The following INTS12 variants were observed in gnomAD, a reference collection of about 807,000 sequenced individuals.
The protein encoded by INTS12 is PHD finger protein 22.
A neutral mutation model predicts 41.6 loss-of-function variants in INTS12; 13 were observed. The observed-to-expected ratio is 0.31, with a 90% CI of 0.20 to 0.50. The LOEUF (loss-of-function observed/expected upper bound fraction) is 0.50. INTS12 is among the 20% of genes least tolerant of loss of function. The pLI, the probability that INTS12 is intolerant of heterozygous loss-of-function variation, is 0.98. For synonymous variants in INTS12, 199 were observed against 191.4 expected (o/e 1.04, Z -0.33); for missense variants, 432 against 541.6 (o/e 0.80, Z 2.01).
At chr4:105,683,367 C>T in intron 7 of INTS12, 50 bp from the exon 8 acceptor site, 1 of 1,287,090 alleles carries the variant, frequency 7.8e-7, no homozygotes, top group African/African-American at 1.5e-5. Flanking sequence ...TAATCAGTAC[C>T]TGTATAAACA....
chr4:105,707,584 A>AAAAAGC (rs1393389133), intron 1 of INTS12, among the ~76,000 whole-genome samples: 3 of 152,206 alleles, frequency 2.0e-5, no homozygotes, highest in Admixed American at 1.3e-4. Context: ...CCAAACATCA[A>AAAAAGC]AAAAGCAAAA....
intron 1 of INTS12, chr4:105,705,396 T>C (rs1312674046): frequency 2.0e-5 from 3 of 152,418 alleles, no homozygotes; most frequent in Non-Finnish European, 2.9e-5. Context: ...TTATGGTGAG[T>C]TGTCCAATTA....
In INTS12 at chr4:105,683,316, G is replaced by A; in HGVS notation, c.806C>T (p.Thr269Ile). The change falls in exon 8 of 8, where the codon ACA becomes ATA. Residue 269 changes from threonine (T) to isoleucine (I), a missense_variant and splice_region_variant. Physicochemically the swap from Thr to Ile is moderately conservative, Grantham distance 89 (BLOSUM62 -1). Coordinates refer to ENST00000340139, the MANE Select transcript of INTS12 (RefSeq NM_020395.4). Reference protein sequence around the residue: ...FLAFKRTEVKTSTVISGNSSS... With the variant: ...FLAFKRTEVKISTVISGNSSS... ...AGAATTTCCTGAAATAACTGTGGATGTCTAAAAAAATAAAGTAAATAATTA... is the reference window on the plus strand; with the variant it reads ...AGAATTTCCTGAAATAACTGTGGATATCTAAAAAAATAAAGTAAATAATTA... 1 of 1,597,544 alleles carries A rather than the reference G, an allele frequency of 6.3e-7. No individual in the cohort carries two copies.
chr4:105,694,045 T>C (rs1409472618), intron 4 of INTS12, among the ~76,000 whole-genome samples: 2 of 152,192 alleles, frequency 1.3e-5, no homozygotes, highest in Non-Finnish European at 2.9e-5. Flanking sequence ...TAGGTATACA[T>C]CCTATAGAAA....
chr4:105,704,948 C>T (rs1163156506), intron 1 of INTS12, among the ~76,000 whole-genome samples: 1 of 152,188 alleles, frequency 6.6e-6, no homozygotes, highest in African/African-American at 2.4e-5. Context: ...TAATCAGTCT[C>T]CCACAATCAC....
chr4:105,698,467 A>C (rs1434231183), intron 3 of INTS12, among the ~76,000 whole-genome samples: 1 of 152,230 alleles, frequency 6.6e-6, no homozygotes, highest in Non-Finnish European at 1.5e-5. Context: ...TCTAGCTAGA[A>C]ACCTAAGGGC....
intron 2 of INTS12, 26 bp from the exon 3 acceptor site, chr4:105,700,040 C>G (rs372183863): frequency 2.8e-6 from 4 of 1,427,188 alleles, no homozygotes; most frequent in Admixed American, 4.4e-5. Context: ...AGAAAGTAAT[C>G]TAGAAGACAA....
intron 7 of INTS12, 58 bp downstream of exon 7, chr4:105,686,634 T>C: frequency 2.9e-6 from 4 of 1,366,696 alleles, no homozygotes; most frequent in Admixed American, 4.6e-5. Context: ...CAAGCAACTA[T>C]TTTTTAGTCA....
At chr4:105,687,938 A>G (rs1578380901) in intron 6 of INTS12, among the ~76,000 whole-genome samples, 1 of 152,254 alleles carries the variant, frequency 6.6e-6, no homozygotes, top group South Asian at 2.1e-4. Context: ...GGGCAACAAG[A>G]GCAAAACTCC....
intron 7 of INTS12, among the ~76,000 whole-genome samples, chr4:105,683,996 A>G (rs900204560): frequency 6.6e-6 from 1 of 152,166 alleles, no homozygotes. Flanking sequence ...TTTGCCCATG[A>G]TTCCGGTTAA....
chr4:105,690,445 T>C (rs1378833296), intron 6 of INTS12, among the ~76,000 whole-genome samples: 3 of 148,532 alleles, frequency 2.0e-5, no homozygotes, highest in Non-Finnish European at 4.4e-5. Context: ...GAGAAATGAA[T>C]AGATTTCAGA....
chr4:105,691,486 T>C (rs1258106077), intron 6 of INTS12, among the ~76,000 whole-genome samples: 2 of 152,202 alleles, frequency 1.3e-5, no homozygotes, highest in Middle Eastern at 3.4e-3. Flanking sequence ...TTGAGGACAA[T>C]GAGAAGGAAA....
At chr4:105,685,714 T>C (rs1372615476) in intron 7 of INTS12, among the ~76,000 whole-genome samples, 1 of 152,106 alleles carries the variant, frequency 6.6e-6, no homozygotes, top group Non-Finnish European at 1.5e-5. Context: ...AATATTGGAA[T>C]GTGTACCTCA....
At chr4:105,695,471 A>T in intron 4 of INTS12, 45 bp downstream of exon 4, 1 of 1,477,596 alleles carries the variant, frequency 6.8e-7, no homozygotes, top group Non-Finnish European at 9.3e-7. Context: ...TGCTTATGGA[A>T]CAACTAATTT....
At position 105,686,680 on chromosome 4, in the gene INTS12, A is replaced by C. The variant is rs747969661; in HGVS notation, c.804+12T>G. The C allele has an allele frequency of 6.4e-7, 1 of 1,567,792 alleles. No homozygotes were observed. The highest frequency in any genetic ancestry group is 2.0e-5 in the Admixed American group (1 of 49,928). On this transcript the variant is annotated intron_variant, in intron 7 of 7. Coordinates refer to ENST00000340139, the MANE Select transcript of INTS12 (RefSeq NM_020395.4). The stretch of plus-strand genomic sequence containing the variant: ...AAGATATAATCTTAGATAAAAATAG[A>C]ATCTACTATACCTTGACTTCTGTTC...
intron 7 of INTS12, among the ~76,000 whole-genome samples, chr4:105,685,583 A>C (rs1378225166): frequency 6.6e-6 from 1 of 152,184 alleles, no homozygotes; most frequent in Non-Finnish European, 1.5e-5. Context: ...AAGGGTATGA[A>C]GCTTACTACT....
At chr4:105,697,462 G>T (rs1188746691) in intron 3 of INTS12, among the ~76,000 whole-genome samples, 1 of 152,240 alleles carries the variant, frequency 6.6e-6, no homozygotes, top group Non-Finnish European at 1.5e-5. Context: ...CTCAGATCTA[G>T]TGGTGGCAGG....
At chr4:105,702,387 C>T (rs1037440980) in intron 2 of INTS12, among the ~76,000 whole-genome samples, 1 of 152,036 alleles carries the variant, frequency 6.6e-6, no homozygotes, top group African/African-American at 2.4e-5. Flanking sequence ...CCACCCGCCT[C>T]GGCCTCCCAA....
intron 4 of INTS12, among the ~76,000 whole-genome samples, chr4:105,693,930 C>T (rs1249400288): frequency 1.3e-5 from 2 of 152,130 alleles, no homozygotes; most frequent in Non-Finnish European, 2.9e-5. Context: ...ATTTGGAATT[C>T]TTATACTTTG....
Sources: gnomAD v4.1 joint callset for allele counts (sites outside exome capture counted in the v4.1 genomes callset) on GRCh38, gnomAD v4.1.1 for gene constraint, MANE v1.5 for transcripts, NCBI Gene and HGNC (gene_info 2026-07-23, HGNC 2026-07-21) for gene names.